The following CLCA4 variants were observed in gnomAD, a reference collection of about 807,000 sequenced individuals.
CLCA4 encodes the protein calcium-activated chloride channel regulator 4.
In CLCA4, 69 loss-of-function variants were observed where a neutral mutation model predicts 78.9. The ratio of observed to expected loss-of-function variants is 0.87; its 90% CI spans 0.72 to 1.07. CLCA4 has a LOEUF of 1.07. CLCA4 is among the 50% of genes least tolerant of loss of function. The pLI, the probability that CLCA4 is intolerant of heterozygous loss-of-function variation, is 0.00. For missense variants in CLCA4, 1,133 were observed against 1,095.8 expected (o/e 1.03, Z -0.48); for synonymous variants, 362 against 375.8 (o/e 0.96, Z 0.42).
At chr1:86,559,219 TA>T (rs1412525982) in intron 1 of CLCA4, among the ~76,000 whole-genome samples, 1 of 152,178 alleles carries the variant, frequency 6.6e-6, no homozygotes, top group African/African-American at 2.4e-5. Context: ...GTTCTGAATA[TA>T]AGGTGATATT....
chr1:86,562,805 G>T (rs1233018260), intron 3 of CLCA4, among the ~76,000 whole-genome samples: 3 of 149,628 alleles, frequency 2.0e-5, no homozygotes, highest in Admixed American at 6.7e-5. Context: ...AGTGAGCTGA[G>T]ATCGCGCCAT....
intron 3 of CLCA4, 136 bp downstream of exon 3, chr1:86,560,494 C>T: frequency 1.2e-6 from 1 of 805,296 alleles, no homozygotes; most frequent in Non-Finnish European, 1.9e-6. Flanking sequence ...TGTATGTGAC[C>T]TTAAACAAGT....
At chr1:86,549,565 G>A (rs1422493248) in intron 1 of CLCA4, among the ~76,000 whole-genome samples, 3 of 152,180 alleles carry the variant, frequency 2.0e-5, no homozygotes, top group Non-Finnish European at 4.4e-5. Context: ...TGGTGTAGAA[G>A]GACCCCAGGT....
At position 86,580,054 on chromosome 1, in the gene CLCA4, G is replaced by C. The variant is rs775921171; in HGVS notation, c.2469G>C (p.Lys823Asn). ...TGTCACCAAAGGAGGCCAACTCCAA[G>C]GAAAGCTTTGCATTTAAACCAGAAA... is the stretch of plus-strand genomic sequence containing the variant. ...TDLSPKEANS[K>N]ESFAFKPENI... Residue 823 changes from lysine to asparagine, a missense_variant, in exon 14 of 14, where the codon AAG (lysine) becomes AAC (asparagine). Physicochemically the swap from Lys to Asn is moderately conservative, Grantham distance 94 (BLOSUM62 0). Transcript: ENST00000370563. The C allele has an allele frequency of 5.0e-6, 8 of 1,612,766 alleles. No homozygotes were observed. The Admixed American group carries it at 1.3e-4, about 27-fold the overall frequency.
Position 86,580,353 on chromosome 1 carries a change from C to A in CLCA4, c.*8C>A. On this transcript the variant is annotated 3_prime_UTR_variant, in exon 14 of 14. Coordinates refer to ENST00000370563, the MANE Select transcript of CLCA4 (RefSeq NM_012128.4). Reference sequence around the variant, plus strand: ...TTAAGTACCACCATTTGAACCTTAACGAAGAAAAAAATCTTCAAGTAGACC... The same window carrying A: ...TTAAGTACCACCATTTGAACCTTAAAGAAGAAAAAAATCTTCAAGTAGACC... The A allele has an allele frequency of 2.6e-6, 4 of 1,540,150 alleles. No homozygotes were observed. The highest frequency in any genetic ancestry group is 3.5e-6 in the Non-Finnish European group (4 of 1,149,750).
chr1:86,554,713 A>G (rs757405506), intron 1 of CLCA4, among the ~76,000 whole-genome samples: 1 of 152,228 alleles, frequency 6.6e-6, no homozygotes, highest in Admixed American at 6.5e-5. Context: ...GTGTATATCC[A>G]GTAATGGGAT....
At chr1:86,561,515 A>G (rs1253886987) in intron 3 of CLCA4, among the ~76,000 whole-genome samples, 2 of 152,138 alleles carry the variant, frequency 1.3e-5, no homozygotes, top group Non-Finnish European at 2.9e-5. Context: ...ACTCAACAAT[A>G]TTTTTACTCA....
intron 7 of CLCA4, among the ~76,000 whole-genome samples, chr1:86,568,740 T>G (rs1650269789): frequency 6.6e-6 from 1 of 151,958 alleles, no homozygotes; most frequent in Non-Finnish European, 1.5e-5. Flanking sequence ...TTCCTCTACT[T>G]AAAATGCTTC....
intron 1 of CLCA4, among the ~76,000 whole-genome samples, chr1:86,551,864 G>A (rs1215464767): frequency 6.6e-6 from 1 of 150,772 alleles, no homozygotes; most frequent in East Asian, 2.0e-4. Context: ...CTCAAGTCTA[G>A]GAAGATGTGG....
intron 1 of CLCA4, chr1:86,552,969 A>G: frequency 1.6e-6 from 1 of 631,806 alleles, no homozygotes; most frequent in Non-Finnish European, 2.9e-6. Flanking sequence ...GGCAAAGGTT[A>G]GAAACTGAGC....
chr1:86,574,614 A>C lies in CLCA4; in HGVS notation c.1542A>C (p.Gly514=), dbSNP rs371412684. 3 of 1,613,188 alleles carry C rather than the reference A, an allele frequency of 1.9e-6. No individual in the cohort carries two copies. Among genetic ancestry groups the C allele is most frequent in the African/African-American group, 1.3e-5 (1 of 74,858 alleles). The part of the protein sequence containing the change: ...NDTVIIDSTV[G]KDTFFLITWN... ...CTGTCATAATTGATAGTACAGTGGG[A>C]AAGGACACGTTCTTTCTCATCACAT... Residue 514 remains glycine (G), a synonymous_variant, in exon 10 of 14, where the codon GGA becomes GGC. Coordinates refer to ENST00000370563, the MANE Select transcript of CLCA4 (RefSeq NM_012128.4).
intron 11 of CLCA4, among the ~76,000 whole-genome samples, chr1:86,577,362 G>A (rs1256622527): frequency 6.6e-6 from 1 of 152,060 alleles, no homozygotes. Flanking sequence ...CATCTCGAGG[G>A]TTTGTAAGAA....
intron 1 of CLCA4, chr1:86,553,214 C>T: frequency 8.5e-7 from 1 of 1,170,424 alleles, no homozygotes; most frequent in African/African-American, 1.5e-5. Flanking sequence ...GCTGCAGCTT[C>T]ACCAGGGACA....
intron 1 of CLCA4, among the ~76,000 whole-genome samples, chr1:86,556,102 G>GCT (rs1281853247): frequency 6.6e-6 from 1 of 152,154 alleles, no homozygotes; most frequent in Non-Finnish European, 1.5e-5. Flanking sequence ...GAGCTTTTGG[G>GCT]CTGAGACTAT....
At chr1:86,555,808 T>C (rs1247565374) in intron 1 of CLCA4, among the ~76,000 whole-genome samples, 2 of 152,210 alleles carry the variant, frequency 1.3e-5, no homozygotes, top group East Asian at 3.8e-4. Flanking sequence ...ATTTTAGTGA[T>C]ATTGATTCTT....
chr1:86,554,205 CTCA>C (rs1649760199), intron 1 of CLCA4, among the ~76,000 whole-genome samples: 1 of 152,104 alleles, frequency 6.6e-6, no homozygotes, highest in African/African-American at 2.4e-5. Context: ...TTCATGAGTT[CTCA>C]TCATTTACCT....
At chr1:86,573,067 C>T in intron 9 of CLCA4, 1 of 286,068 alleles carries the variant, frequency 3.5e-6, no homozygotes, top group Non-Finnish European at 6.8e-6. Context: ...GCTCATGCTT[C>T]CAAGCTTTCC....
chr1:86,575,223 A>G (rs1650473048), intron 10 of CLCA4, 109 bp from the exon 11 acceptor site: 3 of 988,046 alleles, frequency 3.0e-6, no homozygotes, highest in Non-Finnish European at 4.4e-6. Context: ...ACATCCTTAA[A>G]ACCTCTTTAT....
chr1:86,570,541 T>C (rs1269796339), intron 7 of CLCA4, among the ~76,000 whole-genome samples: 1 of 152,092 alleles, frequency 6.6e-6, no homozygotes, highest in Non-Finnish European at 1.5e-5. Flanking sequence ...GAAAGTTGCA[T>C]AACAAAGTCC....
Sources: gnomAD v4.1 joint callset for allele counts (sites outside exome capture counted in the v4.1 genomes callset) on GRCh38, gnomAD v4.1.1 for gene constraint, MANE v1.5 for transcripts, NCBI Gene and HGNC (gene_info 2026-07-23, HGNC 2026-07-21) for gene names.